FHIT: variants seen among roughly 807,000 people sequenced by gnomAD.
FHIT encodes the protein bis(5'-adenosyl)-triphosphatase.
A neutral mutation model predicts 17.9 loss-of-function variants in FHIT; 19 were observed. That is an observed-to-expected ratio of 1.06 (90% CI 0.74 to 1.56). FHIT has a LOEUF of 1.56. Ranked by LOEUF, FHIT falls within the 40% of genes most tolerant of loss-of-function variation. The pLI, the probability that FHIT is intolerant of heterozygous loss-of-function variation, is 0.00. For synonymous variants in FHIT, 81 were observed against 69.7 expected, an observed-to-expected ratio of 1.16 and a Z score of -0.81; for missense variants, 248 against 189.2, an observed-to-expected ratio of 1.31 and a Z score of -1.82.
At chr3:60,436,727 G>A (rs528709088) in intron 5 of FHIT, among the ~76,000 whole-genome samples, 6 of 152,086 alleles carry the variant, frequency 3.9e-5, no homozygotes, top group South Asian at 2.1e-4. Flanking sequence ...AGCAACATAC[G>A]CTGCTCATCT....
At chr3:60,661,618 G>A (rs1480445726) in intron 4 of FHIT, among the ~76,000 whole-genome samples, 2 of 152,136 alleles carry the variant, frequency 1.3e-5, no homozygotes, top group African/African-American at 4.8e-5. Flanking sequence ...AGTGCTTTAA[G>A]GAATCTCCAC....
chr3:60,561,702 G>A lies in FHIT; in HGVS notation c.-17-24723C>T, dbSNP rs17063529. ...GGGAGCCAGAGATAGAAGGACTGAC[G>A]GCTCATTCTCAGGAATGTCTGTGAC... On this transcript the variant is annotated intron_variant, in intron 4 of 9. Coordinates refer to ENST00000492590, the MANE Select transcript of FHIT (RefSeq NM_002012.4). 9.5e-3 allele frequency among the ~76,000 whole-genome samples: 1,442 copies of A among 152,194 alleles called. 31 individuals are homozygous for A. Among genetic ancestry groups the A allele is most frequent in the African/African-American group, 0.033 (1,378 of 41,532 alleles).
At chr3:60,398,241 T>G (rs1474771750) in intron 5 of FHIT, among the ~76,000 whole-genome samples, 1 of 152,176 alleles carries the variant, frequency 6.6e-6, no homozygotes, top group African/African-American at 2.4e-5. Context: ...TGGGAAGCTG[T>G]GGTTATCGGA....
intron 5 of FHIT, among the ~76,000 whole-genome samples, chr3:60,397,674 T>A (rs1269931657): frequency 6.6e-6 from 1 of 152,136 alleles, no homozygotes; most frequent in East Asian, 1.9e-4. Context: ...TGCCTAGGCA[T>A]ATAAAGGCAG....
At chr3:60,691,924 T>C (rs1006979046) in intron 4 of FHIT, among the ~76,000 whole-genome samples, 9 of 152,334 alleles carry the variant, frequency 5.9e-5, no homozygotes, top group Non-Finnish European at 1.2e-4. Flanking sequence ...TCTGAGATAC[T>C]GTTCCCTTTT....
intron 7 of FHIT, among the ~76,000 whole-genome samples, chr3:59,961,812 C>T (rs1253375433): frequency 6.6e-6 from 1 of 152,230 alleles, no homozygotes; most frequent in Non-Finnish European, 1.5e-5. Context: ...CACCTGCCTT[C>T]TGCATTGATC....
chr3:60,499,914 A>G (rs978789398), intron 5 of FHIT, among the ~76,000 whole-genome samples: 2 of 152,148 alleles, frequency 1.3e-5, no homozygotes, highest in Non-Finnish European at 2.9e-5. Flanking sequence ...AGAATAGAAA[A>G]TCATGTTGTT....
intron 5 of FHIT, among the ~76,000 whole-genome samples, chr3:60,524,465 G>T (rs191287081): frequency 2.3e-4 from 35 of 152,300 alleles, no homozygotes; most frequent in African/African-American, 8.4e-4. Flanking sequence ...TGAGGCAGCA[G>T]TGTGCTTAGA....
At chr3:61,065,268 A>AAC (rs57357848) in intron 2 of FHIT, among the ~76,000 whole-genome samples, 81,255 of 148,196 alleles carry the variant, frequency 0.55, 24,146 homozygotes, top group Non-Finnish European at 0.69. Context: ...AGTCATTTTC[A>AAC]ACACACACAC....
chr3:60,018,058 G>A (rs1001800053), intron 5 of FHIT, among the ~76,000 whole-genome samples: 3 of 152,210 alleles, frequency 2.0e-5, no homozygotes, highest in African/African-American at 7.2e-5. Flanking sequence ...AGGTTTATCT[G>A]GCTCACAGTT....
intron 5 of FHIT, among the ~76,000 whole-genome samples, chr3:60,191,113 T>C (rs1702384472): frequency 1.3e-5 from 2 of 151,676 alleles, no homozygotes; most frequent in Non-Finnish European, 2.9e-5. Context: ...AAAAATAAAA[T>C]AAAATAAAAA....
chr3:60,070,043 T>A (rs1576025686), intron 5 of FHIT, among the ~76,000 whole-genome samples: 1 of 152,172 alleles, frequency 6.6e-6, no homozygotes, highest in African/African-American at 2.4e-5. Flanking sequence ...CCCTACATGC[T>A]TTTATTGCTC....
At chr3:60,423,121 T>A (rs187570635) in intron 5 of FHIT, among the ~76,000 whole-genome samples, 1 of 152,224 alleles carries the variant, frequency 6.6e-6, no homozygotes, top group South Asian at 2.1e-4. Flanking sequence ...CAGCCTCTCA[T>A]GGCAAAGCGA....
chr3:59,838,212 C>G (rs1369758179), intron 8 of FHIT, among the ~76,000 whole-genome samples: 1 of 152,136 alleles, frequency 6.6e-6, no homozygotes, highest in Non-Finnish European at 1.5e-5. Context: ...GGTTCCCTGA[C>G]CCCAGTCCCA....
intron 2 of FHIT, among the ~76,000 whole-genome samples, chr3:61,065,885 T>G (rs892111400): frequency 2.0e-5 from 3 of 152,306 alleles, no homozygotes; most frequent in African/African-American, 7.2e-5. Context: ...TGCCTTCAAC[T>G]TACTGTATCT....
At chr3:60,152,114 G>T (rs762111966) in intron 5 of FHIT, among the ~76,000 whole-genome samples, 67 of 152,194 alleles carry the variant, frequency 4.4e-4, no homozygotes, top group Non-Finnish European at 8.8e-4. Flanking sequence ...GATCCTACAA[G>T]GTCTAATAAT....
intron 5 of FHIT, among the ~76,000 whole-genome samples, chr3:60,031,164 G>T (rs535920888): frequency 6.6e-6 from 1 of 152,076 alleles, no homozygotes; most frequent in Non-Finnish European, 1.5e-5. Context: ...TACAAAACAC[G>T]TTTTATCTCA....
At chr3:60,514,397 G>A (rs1249022134) in intron 5 of FHIT, among the ~76,000 whole-genome samples, 4 of 152,216 alleles carry the variant, frequency 2.6e-5, no homozygotes, top group East Asian at 1.9e-4. Flanking sequence ...GCTCCCTCCC[G>A]TGGGGAGTGG....
chr3:60,030,341 C>G (rs1330677648), intron 5 of FHIT, among the ~76,000 whole-genome samples: 2 of 152,176 alleles, frequency 1.3e-5, no homozygotes. Context: ...CAATGTTCCA[C>G]TATAGGCCCT....
Sources: allele counts gnomAD v4.1 joint callset (sites outside exome capture counted in the v4.1 genomes callset), GRCh38; gene constraint gnomAD v4.1.1; transcripts MANE v1.5; gene names NCBI Gene and HGNC (gene_info 2026-07-23, HGNC 2026-07-21).